DOCK2: variants seen among roughly 807,000 people sequenced by gnomAD.
The protein encoded by DOCK2 is dedicator of cytokinesis 2.
A neutral mutation model predicts 248.9 loss-of-function variants in DOCK2; 87 were observed. The ratio of observed to expected loss-of-function variants is 0.35; its 90% CI spans 0.29 to 0.42. The LOEUF is 0.42. DOCK2 is among the 10% of genes least tolerant of loss of function. The pLI, the probability that DOCK2 is intolerant of heterozygous loss-of-function variation, is 1.00. For synonymous variants in DOCK2, 805 were observed against 821.6 expected (o/e 0.98, Z 0.35); for missense variants, 1,747 against 2,300.2 (o/e 0.76, Z 4.92).
chr5:169,736,226 T>A (rs1430286600), intron 22 of DOCK2, among the ~76,000 whole-genome samples: 1 of 152,178 alleles, frequency 6.6e-6, no homozygotes, highest in Non-Finnish European at 1.5e-5. Flanking sequence ...TGAGTTTTTA[T>A]TTCTTTCACC....
chr5:169,783,330 A>G (rs1024889447), intron 25 of DOCK2, among the ~76,000 whole-genome samples: 1 of 152,220 alleles, frequency 6.6e-6, no homozygotes, highest in East Asian at 1.9e-4. Context: ...ACCAAAGTCT[A>G]GAGTTCCAGA....
rs149235480 is a variant in DOCK2, at chr5:170,079,050, G to T, written c.5070G>T (p.Leu1690=). ...QEEPISPGST[L]PEVKLRRSKK... ...AACCGATCTCCCCGGGGAGCACCCTGCCTGAGGTCAAGCTGCGGAGGTCCA... is the reference window on the plus strand; with the variant it reads ...AACCGATCTCCCCGGGGAGCACCCTTCCTGAGGTCAAGCTGCGGAGGTCCA... Residue 1690 remains leucine (L), a synonymous_variant, in exon 49 of 52, where the codon CTG becomes CTT. Transcript: ENST00000520908. The T allele has an allele frequency of 8.1e-6, 13 of 1,614,048 alleles. No homozygotes were observed. In the South Asian group the frequency reaches 1.3e-4, roughly 16 times the overall value.
chr5:169,706,965 G>A (rs1167906841), intron 14 of DOCK2, among the ~76,000 whole-genome samples: 1 of 152,196 alleles, frequency 6.6e-6, no homozygotes, highest in Non-Finnish European at 1.5e-5. Flanking sequence ...GGACCCACGG[G>A]AGAATCTGAT....
intron 37 of DOCK2, 135 bp downstream of exon 37, chr5:170,041,280 G>A: frequency 1.3e-6 from 1 of 782,312 alleles, no homozygotes. Flanking sequence ...AAACTCTTGA[G>A]CTGGCAGGAT....
At chr5:169,758,330 TTAAC>T (rs1243114392) in intron 23 of DOCK2, among the ~76,000 whole-genome samples, 2 of 152,186 alleles carry the variant, frequency 1.3e-5, no homozygotes, top group African/African-American at 4.8e-5. Flanking sequence ...CATCACAATG[TTAAC>T]TAACAGTGGT....
chr5:170,055,633 C>G (rs903835436), intron 42 of DOCK2, among the ~76,000 whole-genome samples: 1 of 152,266 alleles, frequency 6.6e-6, no homozygotes, highest in Non-Finnish European at 1.5e-5. Context: ...CAGCAAGCAT[C>G]GAGCATTTGC....
At chr5:170,014,556 A>G (rs1755437332) in intron 32 of DOCK2, among the ~76,000 whole-genome samples, 1 of 150,500 alleles carries the variant, frequency 6.6e-6, no homozygotes, top group Non-Finnish European at 1.5e-5. Flanking sequence ...AGGGCTCAAA[A>G]GACTCATGCA....
intron 27 of DOCK2, among the ~76,000 whole-genome samples, chr5:169,979,452 A>G (rs896901919): frequency 6.6e-6 from 1 of 152,212 alleles, no homozygotes; most frequent in Non-Finnish European, 1.5e-5. Flanking sequence ...TTATTCCATG[A>G]TTCTATCGCT....
intron 27 of DOCK2, among the ~76,000 whole-genome samples, chr5:169,953,332 CA>C (rs576183648): frequency 2.2e-3 from 275 of 123,436 alleles, no homozygotes; most frequent in African/African-American, 2.2e-3. Flanking sequence ...GACTCTATCT[CA>C]AAAAAAAAAA....
chr5:169,638,106 A>C (rs150876593), intron 1 of DOCK2, among the ~76,000 whole-genome samples: 1 of 152,070 alleles, frequency 6.6e-6, no homozygotes, highest in South Asian at 2.1e-4. Flanking sequence ...ATCTCCATGG[A>C]CTCACTGTGG....
rs369967490 is a variant in DOCK2, at chr5:169,958,162, C to T, written c.2800-24906C>T. The stretch of plus-strand genomic sequence containing the variant: ...ACACAGTCTTTGTCAACTTGATTAT[C>T]TACCCTGTGGTGAGAAATGAGGGCC... On this transcript the variant is annotated intron_variant, in intron 27 of 51. Transcript: ENST00000520908. Among the ~76,000 whole-genome samples, 245 of 152,256 alleles carry T rather than the reference C, an allele frequency of 1.6e-3. 4 individuals carry two copies. In the South Asian group the frequency reaches 0.044, roughly 27 times the overall value.
intron 14 of DOCK2, among the ~76,000 whole-genome samples, chr5:169,705,439 C>A (rs1761212630): frequency 1.3e-5 from 2 of 152,214 alleles, no homozygotes; most frequent in African/African-American, 2.4e-5. Context: ...GTGGTTAAGA[C>A]CATGACCCCT....
At position 170,017,376 on chromosome 5, in the gene DOCK2, A is replaced by G. The variant is rs1581530215; in HGVS notation, c.3233-1584A>G. 2.0e-5 allele frequency among the ~76,000 whole-genome samples: 3 copies of G among 152,128 alleles called. No homozygotes were observed. The South Asian group carries it at 6.2e-4, about 31-fold the overall frequency. On this transcript the variant is annotated intron_variant, in intron 32 of 51. Coordinates refer to ENST00000520908, the MANE Select transcript of DOCK2 (RefSeq NM_004946.3). The stretch of plus-strand genomic sequence containing the variant: ...ATGAAATATAGAGGTGTGAGCTTCA[A>G]TAATAGGGTTGCTTGAATATGCTGA...
At chr5:169,870,013 T>C (rs1771852551) in intron 27 of DOCK2, among the ~76,000 whole-genome samples, 2 of 152,124 alleles carry the variant, frequency 1.3e-5, no homozygotes, top group Non-Finnish European at 2.9e-5. Flanking sequence ...CAATGCAAAA[T>C]TCCGGACACG....
Position 169,654,453 on chromosome 5 carries a change from G to T in DOCK2, c.94G>T (p.Gly32Cys), listed in dbSNP as rs1248510329. The change falls in exon 2 of 52, where the codon GGC (glycine) becomes TGC (cysteine). Residue 32 changes from glycine to cysteine, a missense_variant. By Grantham distance (159) the Gly-to-Cys change is radical (BLOSUM62 -3). This residue lies in a region of DOCK2 where 375 missense variants were observed against 510.9 expected (regional missense o/e 0.73). Transcript: ENST00000520908. ...AGCCCCCCAGCTCTCCCTGCAGATCGGCGATGTGGTGCGAATACAGGAGAC... is the reference window on the plus strand; with the variant it reads ...AGCCCCCCAGCTCTCCCTGCAGATCTGCGATGTGGTGCGAATACAGGAGAC... ...SGAPQLSLQIGDVVRIQETCG... is the reference protein window; with the variant it reads ...SGAPQLSLQICDVVRIQETCG... The T allele has an allele frequency of 6.2e-7, 1 of 1,614,158 alleles. No homozygotes were observed. The highest frequency in any genetic ancestry group is 1.7e-5 in the Admixed American group (1 of 60,020).
At chr5:170,047,478 G>T (rs1260233551) in intron 39 of DOCK2, 32 bp from the exon 40 acceptor site, 1 of 1,603,382 alleles carries the variant, frequency 6.2e-7, no homozygotes, top group South Asian at 1.1e-5. Context: ...ATACACATCT[G>T]TGTTGCAACA....
chr5:169,989,337 A>T (rs1455536193), intron 29 of DOCK2, among the ~76,000 whole-genome samples: 2 of 152,232 alleles, frequency 1.3e-5, no homozygotes, highest in Admixed American at 6.5e-5. Flanking sequence ...GTAAATGAAC[A>T]AGATTATGCC....
At chr5:169,794,419 A>C (rs1413668814) in intron 25 of DOCK2, among the ~76,000 whole-genome samples, 1 of 152,166 alleles carries the variant, frequency 6.6e-6, no homozygotes, top group Admixed American at 6.5e-5. Flanking sequence ...TTGTTTATTT[A>C]ATTATTTATA....
At chr5:169,675,180 A>G (rs1759262415) in intron 6 of DOCK2, among the ~76,000 whole-genome samples, 1 of 152,330 alleles carries the variant, frequency 6.6e-6, no homozygotes, top group South Asian at 2.1e-4. Context: ...CAGCTAGTAA[A>G]TGACAGAATC....
Sources: allele counts gnomAD v4.1 joint callset (sites outside exome capture counted in the v4.1 genomes callset), GRCh38; gene constraint gnomAD v4.1.1; regional missense constraint gnomAD v4.1.1; transcripts MANE v1.5; gene names NCBI Gene and HGNC (gene_info 2026-07-23, HGNC 2026-07-21).